ANK3: variants seen among roughly 807,000 people sequenced by gnomAD.
ANK3 encodes ankyrin-3.
ANK3 carries 57 observed loss-of-function variants against 370.9 expected under a neutral mutation model. That is an observed-to-expected ratio of 0.15 (90% CI 0.12 to 0.19). The LOEUF (loss-of-function observed/expected upper bound fraction) is 0.19. ANK3 is among the 10% of genes least tolerant of loss of function. The pLI, the probability that ANK3 is intolerant of heterozygous loss-of-function variation, is 1.00. For missense variants in ANK3, 4,439 were observed against 5,302.1 expected, an observed-to-expected ratio of 0.84 and a Z score of 5.06; for synonymous variants, 1,929 against 1,946.3, an observed-to-expected ratio of 0.99 and a Z score of 0.23.
chr10:60,415,932 C>G (rs1005621762), intron 2 of ANK3, among the ~76,000 whole-genome samples: 15 of 137,696 alleles, frequency 1.1e-4, no homozygotes, highest in Admixed American at 6.3e-4. Context: ...CACCCCCCCG[C>G]CATTCATGTG....
intron 23 of ANK3, among the ~76,000 whole-genome samples, chr10:60,161,225 A>G (rs892024087): frequency 6.6e-6 from 1 of 152,196 alleles, no homozygotes; most frequent in Non-Finnish European, 1.5e-5. Flanking sequence ...AAAAATCAGT[A>G]TCATTTCTAT....
intron 36 of ANK3, among the ~76,000 whole-genome samples, chr10:60,077,765 G>T (rs765516188): frequency 6.6e-6 from 1 of 152,058 alleles, no homozygotes; most frequent in Non-Finnish European, 1.5e-5. Context: ...GGATATGTGG[G>T]GTGTGTGTAT....
chr10:60,720,881 G>A (rs561989672), intron 1 of ANK3, among the ~76,000 whole-genome samples: 62 of 152,244 alleles, frequency 4.1e-4, no homozygotes, highest in African/African-American at 1.3e-3. Context: ...CCAAAGTGCC[G>A]GGATTACAGG....
At chr10:60,304,763 C>A (rs1156497274) in intron 1 of ANK3, among the ~76,000 whole-genome samples, 1 of 152,098 alleles carries the variant, frequency 6.6e-6, no homozygotes, top group East Asian at 1.9e-4. Context: ...TGAGAGACTG[C>A]ACATCAAAAT....
At chr10:60,586,905 T>C (rs1192309579) in intron 2 of ANK3, among the ~76,000 whole-genome samples, 1 of 152,232 alleles carries the variant, frequency 6.6e-6, no homozygotes, top group Non-Finnish European at 1.5e-5. Flanking sequence ...AAAAGGCTTC[T>C]GGGTCTGCAA....
At chr10:60,278,966 A>G in intron 3 of ANK3, 84 bp downstream of exon 3, 2 of 1,559,688 alleles carry the variant, frequency 1.3e-6, no homozygotes, top group Admixed American at 3.3e-5. Flanking sequence ...ATCTTATGAG[A>G]TATGTGCCCC....
chr10:60,584,018 G>C (rs1190601221), intron 2 of ANK3, among the ~76,000 whole-genome samples: 2 of 152,142 alleles, frequency 1.3e-5, no homozygotes, highest in Admixed American at 6.5e-5. Context: ...AAATATGTAT[G>C]ATTATGTGTC....
At chr10:60,726,408 T>C (rs1393239555) in intron 1 of ANK3, among the ~76,000 whole-genome samples, 1 of 152,178 alleles carries the variant, frequency 6.6e-6, no homozygotes, top group Non-Finnish European at 1.5e-5. Flanking sequence ...AGTACAAAAG[T>C]GGACACAAGG....
chr10:60,629,661 A>C (rs2078456343), intron 1 of ANK3, among the ~76,000 whole-genome samples: 1 of 152,154 alleles, frequency 6.6e-6, no homozygotes, highest in African/African-American at 2.4e-5. Context: ...AATGTTATGG[A>C]TGCTTTTGTA....
chr10:60,394,669 C>G (rs1379702767), upstream of ANK3, among the ~76,000 whole-genome samples: 1 of 152,162 alleles, frequency 6.6e-6, no homozygotes, highest in Non-Finnish European at 1.5e-5. Flanking sequence ...GCCCCCACAA[C>G]CATATCTGTG....
chr10:60,560,556 CAT>C (rs1288167093), intron 2 of ANK3, among the ~76,000 whole-genome samples: 1 of 152,092 alleles, frequency 6.6e-6, no homozygotes, highest in Non-Finnish European at 1.5e-5. Context: ...AACTTTAAGA[CAT>C]AGAGAACAGT....
intron 25 of ANK3, among the ~76,000 whole-genome samples, chr10:60,121,235 C>T (rs1176050124): frequency 6.6e-6 from 1 of 152,048 alleles, no homozygotes; most frequent in Non-Finnish European, 1.5e-5. Flanking sequence ...ACAAATTTCT[C>T]ATGTTCTCAC....
chr10:60,469,867 A>T (rs1351918970), intron 2 of ANK3, among the ~76,000 whole-genome samples: 1 of 151,512 alleles, frequency 6.6e-6, no homozygotes, highest in African/African-American at 2.4e-5. Flanking sequence ...AATGAAACCC[A>T]TTCTCTCACC....
chr10:60,185,206 A>G (rs1390245270), intron 17 of ANK3, among the ~76,000 whole-genome samples: 1 of 152,204 alleles, frequency 6.6e-6, no homozygotes. Flanking sequence ...TCACAATACT[A>G]AAACTAAAAA....
At chr10:60,033,710 A>C (rs1305660503) in intron 43 of ANK3, among the ~76,000 whole-genome samples, 1 of 152,092 alleles carries the variant, frequency 6.6e-6, no homozygotes. Context: ...CCTAGCTTTA[A>C]AAAGGGTCTC....
At chr10:60,052,221 A>AGGAGGCTGAGGCAGGAGAAT (rs1320760839) in intron 42 of ANK3, among the ~76,000 whole-genome samples, 4 of 152,076 alleles carry the variant, frequency 2.6e-5, no homozygotes, top group Admixed American at 2.6e-4. Flanking sequence ...ATAGCTCCTT[A>AGGAGGCTGAGGCAGGAGAAT]GGAGGCTGAG....
At chr10:60,731,751 A>G (rs1375153588) in intron 1 of ANK3, among the ~76,000 whole-genome samples, 1 of 152,200 alleles carries the variant, frequency 6.6e-6, no homozygotes, top group Non-Finnish European at 1.5e-5. Context: ...TCTGTGTCCA[A>G]TCTGAGACTG....
chr10:60,325,400 T>C (rs2049596900), intron 1 of ANK3, among the ~76,000 whole-genome samples: 1 of 152,192 alleles, frequency 6.6e-6, no homozygotes, highest in Non-Finnish European at 1.5e-5. Flanking sequence ...ATGTCCTTTC[T>C]CAGCTGGAAC....
chr10:60,395,556 C>CTTTCTTTCTTTCTTTTCTTTCTTTCT (rs1555367080), intron 2 of ANK3, among the ~76,000 whole-genome samples: 1 of 73,066 alleles, frequency 1.4e-5, no homozygotes, highest in African/African-American at 5.2e-5. Flanking sequence ...ATGCCTCTTT[C>CTTTCTTTCTTTCTTTTCTTTCTTTCT]TTTCTTTCTT....
Sources: allele counts gnomAD v4.1 joint callset (sites outside exome capture counted in the v4.1 genomes callset), GRCh38; gene constraint gnomAD v4.1.1; transcripts MANE v1.5; gene names NCBI Gene and HGNC (gene_info 2026-07-23, HGNC 2026-07-21).